Variants in CYP4B1 observed in about 807,000 individuals in gnomAD.
CYP4B1 encodes cytochrome P450 family 4 subfamily B member 1.
Under a neutral mutation model 54.0 loss-of-function variants are expected in CYP4B1, and 45 were observed. The observed-to-expected ratio is 0.83, with a 90% CI of 0.66 to 1.07. The LOEUF (loss-of-function observed/expected upper bound fraction) is 1.07. CYP4B1 is among the 50% of genes least tolerant of loss of function. The pLI is 0.00. For missense variants in CYP4B1, 656 were observed against 655.4 expected (o/e 1.00, Z -0.01); for synonymous variants, 248 against 247.5 (o/e 1.00, Z -0.02).
Position 46,799,118 on chromosome 1 carries a change from TTGGGCCTGTG to T in CYP4B1, c.38_47del (p.Leu13TrpfsTer5), listed in dbSNP as rs1557482526. On this transcript the variant is annotated frameshift_variant, in exon 1 of 12. Coordinates refer to ENST00000371923, the MANE Select transcript of CYP4B1 (RefSeq NM_001099772.2). LOFTEE classifies it high-confidence loss of function. The stretch of plus-strand genomic sequence containing the variant: ...CTTCCTCTCCCTGAGCTTCTCCTCC[TTGGGCCTGTG>T]GGCTTCTGGGCTGATCTTGGTCTTA... The T allele has an allele frequency of 6.2e-7, 1 of 1,614,044 alleles. No homozygotes were observed. The highest frequency in any genetic ancestry group is 8.5e-7 in the Non-Finnish European group (1 of 1,179,996).
rs1334493663 is a variant in CYP4B1, at chr1:46,818,879, G to T, written c.*65G>T. 2 of 1,559,296 alleles carry T rather than the reference G, an allele frequency of 1.3e-6. No homozygotes were observed. Among genetic ancestry groups the T allele is most frequent in the East Asian group, 2.3e-5 (1 of 44,346 alleles). On this transcript the variant is annotated 3_prime_UTR_variant, in exon 12 of 12. Coordinates refer to ENST00000371923, the MANE Select transcript of CYP4B1 (RefSeq NM_001099772.2). ...CCTCCCTGGGCACCACCCTCCCCAG[G>T]CTGGGTGTGGAGGAGTTGGGGCCCC...
intron 1 of CYP4B1, among the ~76,000 whole-genome samples, chr1:46,810,406 G>A (rs1679049687): frequency 6.6e-6 from 1 of 152,202 alleles, no homozygotes; most frequent in Admixed American, 6.5e-5. Flanking sequence ...AAAATGTGTT[G>A]AACGATACGG....
intron 1 of CYP4B1, among the ~76,000 whole-genome samples, chr1:46,807,696 C>T (rs182770257): frequency 5.0e-4 from 76 of 152,288 alleles, no homozygotes; most frequent in Non-Finnish European, 8.8e-4. Context: ...CAGGATTCTG[C>T]GTTCAGAGGC....
At position 46,814,038 on chromosome 1, in the gene CYP4B1, C is replaced by T; in HGVS notation, c.750C>T (p.Ala250=). The T allele has an allele frequency of 6.2e-7, 1 of 1,614,146 alleles. No individual in the cohort carries two copies. Among genetic ancestry groups the T allele is most frequent in the Non-Finnish European group, 8.5e-7 (1 of 1,180,018 alleles). Residue 250 remains alanine, a synonymous_variant, in exon 6 of 12, where the codon GCC becomes GCT. Transcript: ENST00000371923. The stretch of plus-strand genomic sequence containing the variant: ...CACATGGCCGCCGCTTCCTGCGGGC[C>T]TGCCAGGTGGCCCATGACCATACAG... ...LTPHGRRFLR[A]CQVAHDHTDQ... is the part of the protein sequence containing the mutation.
chr1:46,819,012 T>C lies in CYP4B1; in HGVS notation c.*198T>C. ...TGTGTCTATAAATGTTTATCATGCA[T>C]GTATTCTAGAGCTCATTCATTTATT... On this transcript the variant is annotated 3_prime_UTR_variant, in exon 12 of 12. Coordinates refer to ENST00000371923, the MANE Select transcript of CYP4B1 (RefSeq NM_001099772.2). 1 of 543,322 alleles carries C rather than the reference T, an allele frequency of 1.8e-6. No homozygotes were observed. The highest frequency in any genetic ancestry group is 2.9e-5 in the South Asian group (1 of 34,658). The allele number at this position is 543,322 out of a possible 1,614,324, so 33.7% of individuals were successfully genotyped here.
At chr1:46,802,847 T>A (rs927413838) in intron 1 of CYP4B1, among the ~76,000 whole-genome samples, 5 of 152,168 alleles carry the variant, frequency 3.3e-5, no homozygotes, top group Non-Finnish European at 7.3e-5. Flanking sequence ...AGGGAGGTGA[T>A]GCTGAGGCAC....
intron 7 of CYP4B1, chr1:46,814,680 T>A (rs1393119740): frequency 3.0e-6 from 1 of 331,184 alleles, no homozygotes; most frequent in South Asian, 4.4e-5. Context: ...GTTCTGACTC[T>A]GGGTCATTTC....
rs373803171 is a variant in CYP4B1 at position 46,813,470 on chromosome 1, C to T, written c.496-12C>T. The T allele has an allele frequency of 1.8e-5, 29 of 1,614,064 alleles. No individual in the cohort carries two copies. In the African/African-American group the frequency reaches 3.6e-4, roughly 20 times the overall value. On this transcript the variant is annotated splice_polypyrimidine_tract_variant and intron_variant, in intron 4 of 11. Coordinates refer to ENST00000371923, the MANE Select transcript of CYP4B1 (RefSeq NM_001099772.2). ...CGCCTCCTACACATTGCCTCCTATCCCTGGACTCCAGGACAAGTGGGAAGA... is the reference window on the plus strand; with the variant it reads ...CGCCTCCTACACATTGCCTCCTATCTCTGGACTCCAGGACAAGTGGGAAGA...
Position 46,818,470 on chromosome 1 carries a change from A to C in CYP4B1, c.1356-161A>C, listed in dbSNP as rs45507195. On this transcript the variant is annotated intron_variant, in intron 11 of 11. Transcript: ENST00000371923. ...TGAATCTACCTGGTCTGGGACCCTC[A>C]CCATGCTCCCAAGGTTTGTTTCATA... Among the ~76,000 whole-genome samples, 553 of 152,254 alleles carry C rather than the reference A, an allele frequency of 3.6e-3. 2 individuals carry two copies. Among genetic ancestry groups the C allele is most frequent in the African/African-American group, 0.013 (527 of 41,556 alleles).
chr1:46,802,825 C>T (rs1474348916), intron 1 of CYP4B1, among the ~76,000 whole-genome samples: 1 of 152,076 alleles, frequency 6.6e-6, no homozygotes, highest in Non-Finnish European at 1.5e-5. Flanking sequence ...CGTGGGGAGT[C>T]AGGGAAGGTC....
chr1:46,813,698 G>A, intron 5 of CYP4B1, 92 bp downstream of exon 5: 1 of 1,562,518 alleles, frequency 6.4e-7, no homozygotes, highest in Non-Finnish European at 8.7e-7. Flanking sequence ...TCTGAGAAGA[G>A]ATAGGGTCCT....
chr1:46,799,521 C>G (rs566097590), intron 1 of CYP4B1, among the ~76,000 whole-genome samples: 1 of 152,298 alleles, frequency 6.6e-6, no homozygotes, highest in South Asian at 2.1e-4. Context: ...ATTCTGAGGC[C>G]CAAAGTTTGG....
intron 1 of CYP4B1, among the ~76,000 whole-genome samples, chr1:46,799,916 T>C (rs1678543853): frequency 6.6e-6 from 1 of 152,202 alleles, no homozygotes; most frequent in Admixed American, 6.5e-5. Flanking sequence ...ATTGGGGATC[T>C]AGACCAGAGG....
intron 1 of CYP4B1, among the ~76,000 whole-genome samples, chr1:46,806,170 T>G (rs537502998): frequency 6.6e-6 from 1 of 152,222 alleles, no homozygotes; most frequent in African/African-American, 2.4e-5. Context: ...GGATTCTTAC[T>G]GGGTGAAGGT....
rs749455745 is a variant in CYP4B1 at position 46,813,512 on chromosome 1, A to G, written c.526A>G (p.Lys176Glu). The G allele has an allele frequency of 4.3e-6, 7 of 1,614,160 alleles. No homozygotes were observed. In the Middle Eastern group the frequency reaches 8.2e-4, roughly 190 times the overall value. Residue 176 changes from lysine (K) to glutamate (E), a missense_variant, in exon 5 of 12, where the codon AAG becomes GAG. Lys to Glu is a moderately conservative substitution (Grantham distance 56). Transcript: ENST00000371923. ...GTGGGAAGAGAAAGCTCGGGAGGGT[A>G]AGTCCTTTGACATCTTCTGCGATGT... ...DKWEEKAREG[K>E]SFDIFCDVGH... is the part of the protein sequence containing the mutation.
intron 1 of CYP4B1, among the ~76,000 whole-genome samples, chr1:46,809,026 G>A (rs1192370404): frequency 1.3e-5 from 2 of 150,232 alleles, no homozygotes; most frequent in Non-Finnish European, 1.5e-5. Context: ...GCTAGATGAC[G>A]AGTTAGTGGG....
At chr1:46,809,599 G>A (rs1679015041) in intron 1 of CYP4B1, among the ~76,000 whole-genome samples, 1 of 152,208 alleles carries the variant, frequency 6.6e-6, no homozygotes, top group Non-Finnish European at 1.5e-5. Flanking sequence ...AGGTCAAAAT[G>A]TAAGGTGCTT....
chr1:46,806,352 C>A (rs1035277055), intron 1 of CYP4B1, among the ~76,000 whole-genome samples: 7 of 152,198 alleles, frequency 4.6e-5, no homozygotes, highest in African/African-American at 1.7e-4. Flanking sequence ...TCTGAAGCAG[C>A]CCCCTGGGGC....
At chr1:46,799,860 C>G (rs1289541428) in intron 1 of CYP4B1, among the ~76,000 whole-genome samples, 2 of 152,228 alleles carry the variant, frequency 1.3e-5, no homozygotes, top group Non-Finnish European at 2.9e-5. Flanking sequence ...AGGGTGGGAA[C>G]CACCTTAGCC....
Sources: gnomAD v4.1 joint callset for allele counts (sites outside exome capture counted in the v4.1 genomes callset) on GRCh38, gnomAD v4.1.1 for gene constraint, MANE v1.5 for transcripts, NCBI Gene and HGNC (gene_info 2026-07-23, HGNC 2026-07-21) for gene names.